Variants in ANO7 observed in about 807,000 individuals in gnomAD.
ANO7 encodes anoctamin-7.
In ANO7, 114 loss-of-function variants were observed where a neutral mutation model predicts 115.8. The observed-to-expected ratio is 0.98, with a 90% confidence interval of 0.85 to 1.15. ANO7 has a LOEUF of 1.15. ANO7 is among the 50% of genes most tolerant of loss of function. The pLI is 0.00. For missense variants in ANO7, 1,302 were observed against 1,201.2 expected (o/e 1.08, Z -1.24); for synonymous variants, 550 against 498.2 (o/e 1.10, Z -1.38).
At position 241,212,561 on chromosome 2, in the gene ANO7, C is replaced by T; in HGVS notation, c.1674-11C>T. 1 of 1,612,392 alleles carries T rather than the reference C, an allele frequency of 6.2e-7. No individual in the cohort carries two copies. Among genetic ancestry groups the T allele is most frequent in the Non-Finnish European group, 8.5e-7 (1 of 1,179,268 alleles). On this transcript the variant is annotated splice_polypyrimidine_tract_variant and intron_variant, in intron 16 of 24. Transcript: ENST00000674324. ...ATCCCATCAAGGCTCATGATCTTGA[C>T]TTTCTCCTAGGTTTGTGGGATACCC...
At chr2:241,201,524 G>A (rs1291703836) in intron 7 of ANO7, among the ~76,000 whole-genome samples, 169 bp downstream of exon 7, 1 of 152,222 alleles carries the variant, frequency 6.6e-6, no homozygotes, top group Non-Finnish European at 1.5e-5. Flanking sequence ...CGCTACACAG[G>A]GCAGGCCATG....
intron 6 of ANO7, among the ~76,000 whole-genome samples, 180 bp downstream of exon 6, chr2:241,200,405 C>T (rs944952101): frequency 2.0e-5 from 3 of 152,240 alleles, no homozygotes; most frequent in Non-Finnish European, 2.9e-5. Flanking sequence ...CTGCGTCAGC[C>T]GGGCTGGGGC....
downstream of ANO7, among the ~76,000 whole-genome samples, chr2:241,226,539 C>T (rs1435196475): frequency 1.3e-5 from 2 of 152,056 alleles, no homozygotes; most frequent in Non-Finnish European, 2.9e-5. Flanking sequence ...ATTCTCCTGC[C>T]TCAGCCTCCC....
Position 241,201,404 on chromosome 2 carries a change from A to C in ANO7, c.612+49A>C, listed in dbSNP as rs202172806. ...GGCCCCAAACCCTGACCTGGCTCTG[A>C]GGATCCTGCCAGCCCCCAGCCTCCA... On this transcript the variant is annotated intron_variant, in intron 7 of 24. Coordinates refer to ENST00000674324, the MANE Select transcript of ANO7 (RefSeq NM_001370694.2). The C allele has an allele frequency of 1.3e-4, 201 of 1,586,424 alleles. No homozygotes were observed. The East Asian group carries it at 4.4e-3, about 35-fold the overall frequency.
rs1243957608 is a variant in ANO7, at chr2:241,218,198, C to T, written c.2179-41C>T. 2.0e-4 allele frequency: 246 copies of T among 1,242,018 alleles called. 2 individuals are homozygous for T. Among genetic ancestry groups the T allele is most frequent in the Non-Finnish European group, 3.7e-5 (36 of 981,538 alleles). 76.9% of individuals were successfully genotyped at this position (1,242,018 alleles called of 1,614,324 possible). ...GGGGCGGAGCGGGGGCGCGCAGGGG[C>T]GGAGCGGGGGCCGCCTCGCGCTGAC... On this transcript the variant is annotated intron_variant, in intron 20 of 24. Coordinates refer to ENST00000674324, the MANE Select transcript of ANO7 (RefSeq NM_001370694.2).
chr2:241,210,664 C>A, intron 15 of ANO7, 94 bp downstream of exon 15: 3 of 1,006,590 alleles, frequency 3.0e-6, no homozygotes, highest in Non-Finnish European at 4.7e-6. Flanking sequence ...ACACACATGG[C>A]CCTCATTTCT....
At chr2:241,194,168 C>T (rs1230473794) in intron 3 of ANO7, among the ~76,000 whole-genome samples, 2 of 149,052 alleles carry the variant, frequency 1.3e-5, no homozygotes, top group African/African-American at 2.5e-5. Flanking sequence ...AGCCACCGTA[C>T]CTGGCCTTTA....
In ANO7 at chr2:241,223,754, G is replaced by A; in HGVS notation, c.2505G>A (p.Leu835=). The change falls in exon 23 of 25, where the codon CTG becomes CTA. Residue 835 remains leucine, a synonymous_variant. Coordinates refer to ENST00000674324, the MANE Select transcript of ANO7 (RefSeq NM_001370694.2). ...TCAAAGTGAAGCGGGAGTACTACCT[G>A]GCTAAGCAGGCACTGGCTGAGAATG... ...VEIKVKREYY[L]AKQALAENEV... is the part of the protein sequence containing the mutation. The A allele has an allele frequency of 1.2e-6, 2 of 1,614,194 alleles. No homozygotes were observed. Among genetic ancestry groups the A allele is most frequent in the South Asian group, 2.2e-5 (2 of 91,088 alleles).
At chr2:241,236,277 G>C in the ANO7 span, 2 of 327,080 alleles carry the variant, frequency 6.1e-6, no homozygotes, top group South Asian at 8.4e-5. Context: ...CCCCACTCAC[G>C]CGGGGGGAGA....
At chr2:241,238,420 TTG>T in the ANO7 span, 1 of 369,020 alleles carries the variant, frequency 2.7e-6, no homozygotes. The surrounding 1 kb of genome is among the most constrained non-coding windows in gnomAD (Gnocchi z 4.9). Context: ...ACTGGCTACC[TTG>T]TGTGTCTCTA....
At chr2:241,234,245 A>G in the ANO7 span, among the ~76,000 whole-genome samples, 2 of 152,240 alleles carry the variant, frequency 1.3e-5, no homozygotes, top group Non-Finnish European at 2.9e-5. Context: ...TGACAGAGCT[A>G]GGCAGTGAGT....
chr2:241,209,133 A>T (rs748050318), intron 11 of ANO7, 152 bp from the exon 12 acceptor site: 37 of 988,762 alleles, frequency 3.7e-5, no homozygotes, highest in South Asian at 3.1e-4. Context: ...TGGGTGACAG[A>T]GCCAGACTCC....
At chr2:241,235,037 C>T in the ANO7 span, 1 of 1,522,570 alleles carries the variant, frequency 6.6e-7, no homozygotes, top group South Asian at 1.2e-5. Context: ...ATGCTGGGAT[C>T]CTGAAGAACT....
At chr2:241,231,324 C>G in the ANO7 span, 1 of 160,462 alleles carries the variant, frequency 6.2e-6, no homozygotes, top group African/African-American at 2.4e-5. Flanking sequence ...GCGGAGGTTG[C>G]TGTGAGCCGA....
intron 4 of ANO7, among the ~76,000 whole-genome samples, chr2:241,198,114 C>G (rs2068386922): frequency 6.6e-6 from 1 of 152,162 alleles, no homozygotes; most frequent in African/African-American, 2.4e-5. Context: ...CTGAGTTAGT[C>G]CTGCGTCCGA....
At chr2:241,231,029 A>G in the ANO7 span, 1 of 1,185,958 alleles carries the variant, frequency 8.4e-7, no homozygotes, top group Non-Finnish European at 1.2e-6. Context: ...CTGCTGAGGA[A>G]AACAGCTCAG....
rs201054924 is a variant in ANO7 at position 241,203,320 on chromosome 2, C to T, written c.724-13C>T. 29 of 1,512,158 alleles carry T rather than the reference C, an allele frequency of 1.9e-5. No homozygotes were observed. Among genetic ancestry groups the T allele is most frequent in the South Asian group, 1.0e-4 (8 of 76,482 alleles). 93.7% of individuals were successfully genotyped at this position (1,512,158 alleles called of 1,614,324 possible). A position where few individuals can be genotyped will look rare whatever the true frequency, so the allele number is the denominator to read the frequency against. ...CTGGGGGAGCCTCCCACCCACAGGCCGCTCGCCCCCAGGGCCCCTTCAAGA... is the reference window on the plus strand; with the variant it reads ...CTGGGGGAGCCTCCCACCCACAGGCTGCTCGCCCCCAGGGCCCCTTCAAGA... On this transcript the variant is annotated splice_polypyrimidine_tract_variant and intron_variant, in intron 8 of 24. Coordinates refer to ENST00000674324, the MANE Select transcript of ANO7 (RefSeq NM_001370694.2). The surrounding 1 kb of genome is among the most constrained non-coding windows in gnomAD (Gnocchi z 4.8).
chr2:241,212,472 A>G, intron 16 of ANO7, 100 bp from the exon 17 acceptor site: 1 of 1,316,860 alleles, frequency 7.6e-7, no homozygotes, highest in South Asian at 1.3e-5. Context: ...TGCTTCCTCC[A>G]GGGCAGGTGC....
chr2:241,212,907 A>G (rs1467497891), intron 17 of ANO7: 1 of 437,716 alleles, frequency 2.3e-6, no homozygotes, highest in African/African-American at 2.0e-5. Context: ...CTGAGGGAGG[A>G]GGATCGCTTA....
Sources: allele counts gnomAD v4.1 joint callset (sites outside exome capture counted in the v4.1 genomes callset), GRCh38; gene constraint gnomAD v4.1.1; non-coding constraint Gnocchi (gnomAD v3.1); transcripts MANE v1.5; gene names NCBI Gene and HGNC (gene_info 2026-07-23, HGNC 2026-07-21).